The following UNC13C variants were observed in gnomAD, a reference collection of about 807,000 sequenced individuals.
UNC13C encodes protein unc-13 homolog C.
UNC13C carries 174 observed loss-of-function variants against 245.4 expected under a neutral mutation model. The observed-to-expected ratio is 0.71, with a 90% confidence interval of 0.63 to 0.80. The LOEUF is 0.80. Among genes scored for constraint, UNC13C ranks in the 30% least tolerant of loss-of-function variants. The pLI is 0.00. For missense variants in UNC13C, 2,829 were observed against 2,602.9 expected, an observed-to-expected ratio of 1.09 and a Z score of -1.89; for synonymous variants, 992 against 895.1, an observed-to-expected ratio of 1.11 and a Z score of -1.93.
intron 17 of UNC13C, among the ~76,000 whole-genome samples, chr15:54,378,004 GATTTT>G (rs2039643444): frequency 6.6e-6 from 1 of 151,960 alleles, no homozygotes. Flanking sequence ...TACAGTATGG[GATTTT>G]TTTTTTGGTA....
chr15:54,078,106 A>G (rs1898735290), intron 2 of UNC13C, among the ~76,000 whole-genome samples: 1 of 152,196 alleles, frequency 6.6e-6, no homozygotes, highest in South Asian at 2.1e-4. Flanking sequence ...ACTTGATATA[A>G]TAGCCTCCAG....
intron 2 of UNC13C, among the ~76,000 whole-genome samples, chr15:54,067,226 G>A (rs774861540): frequency 2.6e-5 from 4 of 151,892 alleles, no homozygotes; most frequent in African/African-American, 4.8e-5. Flanking sequence ...CTGTATTGTC[G>A]TCACATAAAC....
chr15:54,447,737 C>G (rs1047609442), intron 19 of UNC13C, among the ~76,000 whole-genome samples: 2 of 152,048 alleles, frequency 1.3e-5, no homozygotes, highest in Non-Finnish European at 2.9e-5. Flanking sequence ...CCTGGATTCC[C>G]TGATTTTTTG....
intron 2 of UNC13C, among the ~76,000 whole-genome samples, chr15:54,103,403 G>A (rs1278218896): frequency 1.3e-5 from 2 of 152,174 alleles, no homozygotes; most frequent in Non-Finnish European, 1.5e-5. Flanking sequence ...CCTGGAACAG[G>A]ATGAATAATA....
At chr15:54,448,429 A>G (rs1016069805) in intron 19 of UNC13C, among the ~76,000 whole-genome samples, 21 of 152,132 alleles carry the variant, frequency 1.4e-4, no homozygotes, top group African/African-American at 3.6e-4. Flanking sequence ...GTAGGTCCCT[A>G]AGGACTTCCT....
At chr15:53,996,222 T>A (rs1352577611) in intron 1 of UNC13C, among the ~76,000 whole-genome samples, 1 of 152,180 alleles carries the variant, frequency 6.6e-6, no homozygotes, top group East Asian at 1.9e-4. Flanking sequence ...ACGTATCTTT[T>A]TGAATACTTA....
chr15:54,206,534 T>C (rs554434546), intron 4 of UNC13C, among the ~76,000 whole-genome samples: 77 of 152,230 alleles, frequency 5.1e-4, no homozygotes, highest in African/African-American at 1.7e-3. Context: ...CATTAATCAA[T>C]GCACATACTA....
rs528724684 is a variant in UNC13C at position 54,548,408 on chromosome 15, G to A, written c.5821-1227G>A. 4.0e-5 allele frequency among the ~76,000 whole-genome samples: 6 copies of A among 151,756 alleles called. 1 individual carries two copies. Among genetic ancestry groups the A allele is most frequent in the African/African-American group, 1.4e-4 (6 of 41,424 alleles). Reference sequence around the variant, plus strand: ...GGCTAATTTTTTTGTATTTTTAGTAGAGACGGGGTTTCACCGTGTTAGCCA... The same window carrying A: ...GGCTAATTTTTTTGTATTTTTAGTAAAGACGGGGTTTCACCGTGTTAGCCA... On this transcript the variant is annotated intron_variant, in intron 27 of 32. Coordinates refer to ENST00000260323, the MANE Select transcript of UNC13C (RefSeq NM_001080534.3).
chr15:54,460,174 C>T (rs1244550392), intron 19 of UNC13C, among the ~76,000 whole-genome samples: 1 of 152,182 alleles, frequency 6.6e-6, no homozygotes, highest in African/African-American at 2.4e-5. Context: ...CTAAGTTTGT[C>T]CACCCAGTAG....
At chr15:54,184,197 T>G (rs891900468) in intron 4 of UNC13C, among the ~76,000 whole-genome samples, 2 of 152,128 alleles carry the variant, frequency 1.3e-5, no homozygotes, top group African/African-American at 2.4e-5. Flanking sequence ...TTTCCTTTGT[T>G]AAAGTTTTAA....
intron 19 of UNC13C, among the ~76,000 whole-genome samples, chr15:54,460,805 C>G (rs1041601585): frequency 2.0e-5 from 3 of 152,212 alleles, no homozygotes; most frequent in African/African-American, 7.2e-5. Context: ...TGAATCTCCA[C>G]ACACTGTTCT....
intron 10 of UNC13C, among the ~76,000 whole-genome samples, chr15:54,270,186 C>CCTTTTCTTTATAAACGGTTCT (rs2036649276): frequency 2.0e-5 from 3 of 152,256 alleles, no homozygotes; most frequent in Non-Finnish European, 4.4e-5. Flanking sequence ...TGCAGAGTTA[C>CCTTTTCTTTATAAACGGTTCT]CTTTTCTTTA....
At chr15:53,879,508 T>C in the UNC13C span, among the ~76,000 whole-genome samples, 1 of 152,336 alleles carries the variant, frequency 6.6e-6, no homozygotes, top group Non-Finnish European at 1.5e-5. Flanking sequence ...ATAGTATTTA[T>C]GTTAATTGTT....
At chr15:54,100,376 A>G (rs1567013681) in intron 2 of UNC13C, among the ~76,000 whole-genome samples, 2 of 152,064 alleles carry the variant, frequency 1.3e-5, no homozygotes, top group Admixed American at 6.5e-5. Context: ...TTCTCCACTC[A>G]TGGCTTCTTT....
chr15:54,090,798 G>A (rs988958362), intron 2 of UNC13C, among the ~76,000 whole-genome samples: 9 of 152,140 alleles, frequency 5.9e-5, no homozygotes, highest in Non-Finnish European at 1.2e-4. Flanking sequence ...CCATTGATGG[G>A]CTAAGTTGCC....
chr15:53,863,876 C>T, the UNC13C span, among the ~76,000 whole-genome samples: 1 of 152,112 alleles, frequency 6.6e-6, no homozygotes, highest in Non-Finnish European at 1.5e-5. Flanking sequence ...GCCAGTGATG[C>T]CCCTTGATGA....
At position 54,012,178 on chromosome 15, in the gene UNC13C, G is replaced by A. The variant is rs148909758; in HGVS notation, c.-256-470G>A. Among the ~76,000 whole-genome samples the A allele has an allele frequency of 1.7e-3, 264 of 152,180 alleles. 2 individuals are homozygous for A. In the East Asian group the frequency reaches 0.032, roughly 18 times the overall value. On this transcript the variant is annotated intron_variant, in intron 1 of 32. Coordinates refer to ENST00000260323, the MANE Select transcript of UNC13C (RefSeq NM_001080534.3). ...TTATGTGGTCAGAAAAAGATTATTT[G>A]AATGAATCAAAAGAGGTTATATATA...
intron 17 of UNC13C, among the ~76,000 whole-genome samples, chr15:54,366,514 C>T (rs2039369570): frequency 6.6e-6 from 1 of 152,092 alleles, no homozygotes; most frequent in South Asian, 2.1e-4. Context: ...ATATGTAGTA[C>T]ATTTAACCCA....
Position 54,316,354 on chromosome 15 carries a change from T to A in UNC13C, c.4269-5585T>A, listed in dbSNP as rs2038008726. 2.0e-5 allele frequency among the ~76,000 whole-genome samples: 3 copies of A among 151,910 alleles called. No individual in the cohort carries two copies. In the South Asian group the frequency reaches 6.2e-4, roughly 31 times the overall value. Reference sequence around the variant, plus strand: ...TCCATAGTGCCTTGATTTGTACTTTTCCATTCCTCTGGAATACATTCTTTA... The same window carrying A: ...TCCATAGTGCCTTGATTTGTACTTTACCATTCCTCTGGAATACATTCTTTA... On this transcript the variant is annotated intron_variant, in intron 13 of 32. Coordinates refer to ENST00000260323, the MANE Select transcript of UNC13C (RefSeq NM_001080534.3).
Sources: gnomAD v4.1 joint callset for allele counts (sites outside exome capture counted in the v4.1 genomes callset) on GRCh38, gnomAD v4.1.1 for gene constraint, MANE v1.5 for transcripts, NCBI Gene and HGNC (gene_info 2026-07-23, HGNC 2026-07-21) for gene names.